The following MTA3 variants were observed in gnomAD, a reference collection of about 807,000 sequenced individuals.
MTA3 encodes the protein metastasis associated 1 family member 3, also known as metastasis-associated protein MTA3.
A neutral mutation model predicts 83.5 loss-of-function variants in MTA3; 34 were observed. That is an observed-to-expected ratio of 0.41 (90% CI 0.31 to 0.54). The LOEUF is 0.54. MTA3 is among the 20% of genes least tolerant of loss of function. MTA3 has a pLI of 0.33. For synonymous variants in MTA3, 303 were observed against 252.7 expected, an observed-to-expected ratio of 1.20 and a Z score of -1.89; for missense variants, 761 against 726.4, an observed-to-expected ratio of 1.05 and a Z score of -0.55.
intron 3 of MTA3, among the ~76,000 whole-genome samples, chr2:42,599,872 G>A (rs1256329185): frequency 6.6e-6 from 1 of 151,974 alleles, no homozygotes; most frequent in Non-Finnish European, 1.5e-5. Context: ...TACAGTTAGG[G>A]AAATGTTTTC....
Position 42,756,079 on chromosome 2 carries a change from G to A in MTA3, c.*2680G>A, listed in dbSNP as rs1015413541. The A allele has an allele frequency of 3.1e-5, 30 of 955,430 alleles. No homozygotes were observed. The highest frequency in any genetic ancestry group is 3.6e-5 in the Non-Finnish European group (29 of 802,708). The allele number at this position is 955,430 out of a possible 1,614,324, so 59.2% of individuals were successfully genotyped here. On this transcript the variant is annotated 3_prime_UTR_variant, in exon 17 of 17. Coordinates refer to ENST00000405094, the MANE Select transcript of MTA3 (RefSeq NM_001330442.2). ...CAGAGATTTGTTTAACACAAAACAA[G>A]AAAAGCTGAGAGGCAAAACAGGGGA...
intron 4 of MTA3, among the ~76,000 whole-genome samples, chr2:42,617,330 T>C: frequency 6.6e-6 from 1 of 152,206 alleles, no homozygotes; most frequent in East Asian, 1.9e-4. Flanking sequence ...TTTGTAGAAA[T>C]ATACATACTG....
At chr2:42,715,725 T>C (rs1285949413) in intron 14 of MTA3, among the ~76,000 whole-genome samples, 1 of 152,194 alleles carries the variant, frequency 6.6e-6, no homozygotes, top group African/African-American at 2.4e-5. Context: ...GGTATTGTGT[T>C]GGTGACCTCT....
At chr2:42,720,604 C>G (rs1025196080) in intron 15 of MTA3, among the ~76,000 whole-genome samples, 1 of 152,048 alleles carries the variant, frequency 6.6e-6, no homozygotes, top group Non-Finnish European at 1.5e-5. Flanking sequence ...GGTCTGTATT[C>G]CCTTGCAGAA....
At chr2:42,734,589 TA>T (rs1317464350) in intron 16 of MTA3, among the ~76,000 whole-genome samples, 1 of 151,682 alleles carries the variant, frequency 6.6e-6, no homozygotes, top group Non-Finnish European at 1.5e-5. Flanking sequence ...CTGCCATTTT[TA>T]AAATTTGTTT....
chr2:42,707,543 G>A (rs1020514902), intron 12 of MTA3, among the ~76,000 whole-genome samples: 37 of 152,080 alleles, frequency 2.4e-4, no homozygotes, highest in Admixed American at 6.5e-4. Flanking sequence ...CACCATGTCC[G>A]GCCCCAGATT....
At chr2:42,706,680 G>T (rs972731838) in intron 12 of MTA3, among the ~76,000 whole-genome samples, 1 of 152,068 alleles carries the variant, frequency 6.6e-6, no homozygotes, top group African/African-American at 2.4e-5. Flanking sequence ...TTAAACTTCA[G>T]ATCTATCACA....
intron 5 of MTA3, among the ~76,000 whole-genome samples, chr2:42,641,208 GTTTTTTTTTTT>G (rs1165358003): frequency 7.6e-6 from 1 of 131,752 alleles, no homozygotes; most frequent in East Asian, 2.2e-4. Flanking sequence ...TGCCTGGCCG[GTTTTTTTTTTT>G]TTTTTTTTTA....
chr2:42,625,259 T>C (rs1685960167), intron 4 of MTA3, among the ~76,000 whole-genome samples: 1 of 151,512 alleles, frequency 6.6e-6, no homozygotes, highest in Non-Finnish European at 1.5e-5. Context: ...CTTGAACTCC[T>C]GACCTCAGGT....
intron 3 of MTA3, among the ~76,000 whole-genome samples, chr2:42,598,403 T>C (rs1682114587): frequency 1.3e-5 from 2 of 152,212 alleles, no homozygotes; most frequent in Non-Finnish European, 2.9e-5. Flanking sequence ...TTTACCTTAA[T>C]ATAGTGCCTC....
intron 8 of MTA3, among the ~76,000 whole-genome samples, chr2:42,676,609 T>A (rs998241494): frequency 6.6e-6 from 1 of 151,874 alleles, no homozygotes; most frequent in Non-Finnish European, 1.5e-5. Flanking sequence ...CTACTGAAAA[T>A]ACAAAAATTA....
intron 4 of MTA3, 73 bp from the exon 5 acceptor site, chr2:42,640,100 A>G: frequency 1.8e-6 from 2 of 1,125,070 alleles, no homozygotes; most frequent in South Asian, 1.4e-5. Context: ...TCACATTCTT[A>G]ACTTTGTATT....
intron 16 of MTA3, among the ~76,000 whole-genome samples, chr2:42,744,070 CA>C: frequency 6.6e-6 from 1 of 152,024 alleles, no homozygotes; most frequent in East Asian, 1.9e-4. Context: ...CTTTGAGATT[CA>C]AAAAAATATT....
chr2:42,508,126 C>T (rs1331665688), intron 2 of MTA3, among the ~76,000 whole-genome samples: 1 of 152,072 alleles, frequency 6.6e-6, no homozygotes, highest in East Asian at 1.9e-4. Context: ...AACACATTGT[C>T]CCAGAGCATT....
intron 8 of MTA3, among the ~76,000 whole-genome samples, chr2:42,676,049 C>G (rs1023765893): frequency 6.6e-6 from 1 of 152,166 alleles, no homozygotes; most frequent in African/African-American, 2.4e-5. Flanking sequence ...CTCTCCTCTC[C>G]TTTGGTCTTT....
chr2:42,605,622 C>G (rs1157948992), intron 3 of MTA3, among the ~76,000 whole-genome samples: 2 of 86,508 alleles, frequency 2.3e-5, no homozygotes, highest in African/African-American at 1.1e-4. Flanking sequence ...GGGGCTGACA[C>G]CCCCACCTCC....
chr2:42,566,989 G>GT (rs1395330283), upstream of MTA3, among the ~76,000 whole-genome samples: 2 of 152,218 alleles, frequency 1.3e-5, no homozygotes, highest in African/African-American at 4.8e-5. Context: ...TTGTCAGAAT[G>GT]TTTTTGGTGG....
chr2:42,510,826 C>T (rs1412594609), intron 2 of MTA3, among the ~76,000 whole-genome samples: 2 of 152,064 alleles, frequency 1.3e-5, no homozygotes, highest in African/African-American at 2.4e-5. Context: ...CCACTCTGAC[C>T]CTTATCACAT....
intron 2 of MTA3, among the ~76,000 whole-genome samples, chr2:42,555,905 C>A (rs1397812326): frequency 6.6e-6 from 1 of 151,178 alleles, no homozygotes; most frequent in African/African-American, 2.4e-5. Flanking sequence ...AACCCTGCCT[C>A]TACTAAAAAT....
Sources: allele counts gnomAD v4.1 joint callset (sites outside exome capture counted in the v4.1 genomes callset), GRCh38; gene constraint gnomAD v4.1.1; transcripts MANE v1.5; gene names NCBI Gene and HGNC (gene_info 2026-07-23, HGNC 2026-07-21).